The following CAMK2A variants were observed in gnomAD, a reference collection of about 807,000 sequenced individuals.
CAMK2A encodes calcium/calmodulin dependent protein kinase II alpha.
CAMK2A carries 7 observed loss-of-function variants against 79.2 expected under a neutral mutation model. The ratio of observed to expected loss-of-function variants is 0.09; its 90% CI spans 0.05 to 0.17. CAMK2A has a LOEUF of 0.17. CAMK2A is among the 10% of genes least tolerant of loss of function. The pLI is 1.00. For synonymous variants in CAMK2A, 242 were observed against 251.7 expected, an observed-to-expected ratio of 0.96 and a Z score of 0.36; for missense variants, 214 against 646.4, an observed-to-expected ratio of 0.33 and a Z score of 7.25.
chr5:150,275,314 C>T (rs1445789154), intron 1 of CAMK2A, among the ~76,000 whole-genome samples: 1 of 152,156 alleles, frequency 6.6e-6, no homozygotes, highest in African/African-American at 2.4e-5. Context: ...TTCCAGAGCA[C>T]CCCTGCTTAG....
intron 17 of CAMK2A, among the ~76,000 whole-genome samples, chr5:150,224,570 T>A (rs2114014087): frequency 6.6e-6 from 1 of 152,280 alleles, no homozygotes; most frequent in East Asian, 1.9e-4. Context: ...AATAAGGACT[T>A]AAAATCACCA....
At chr5:150,282,185 G>A (rs1245558806) in intron 1 of CAMK2A, among the ~76,000 whole-genome samples, 4 of 152,088 alleles carry the variant, frequency 2.6e-5, no homozygotes, top group African/African-American at 4.8e-5. Flanking sequence ...CTGCAGGGAC[G>A]CAGTGTGCTC....
chr5:150,238,010 C>G (rs938655555), intron 15 of CAMK2A, among the ~76,000 whole-genome samples: 2 of 152,208 alleles, frequency 1.3e-5, no homozygotes, highest in African/African-American at 4.8e-5. Context: ...CCTTCCTTTA[C>G]AGTTATTACT....
At position 150,223,676 on chromosome 5, in the gene CAMK2A, T is replaced by C. The variant is rs376990678; in HGVS notation, c.1238-459A>G. On this transcript the variant is annotated intron_variant, in intron 17 of 18. Transcript: ENST00000671881. The surrounding 1 kb of genome is among the most constrained non-coding windows in gnomAD (Gnocchi z 4.1). Reference sequence around the variant, plus strand: ...AGGCGATAGGGAGTGATGGGGACTGTGGCGAATAGAATGTCTTGTCCCACC... The same window carrying C: ...AGGCGATAGGGAGTGATGGGGACTGCGGCGAATAGAATGTCTTGTCCCACC... 1.3e-3 allele frequency among the ~76,000 whole-genome samples: 203 copies of C among 152,286 alleles called. 7 individuals are homozygous for C. The South Asian group carries it at 0.035, about 26-fold the overall frequency.
At chr5:150,239,680 C>T (rs1367616087) in intron 14 of CAMK2A, 24 bp downstream of exon 14, 6 of 1,612,084 alleles carry the variant, frequency 3.7e-6, no homozygotes, top group Admixed American at 1.7e-5. Context: ...CATTTACCGG[C>T]GTTAGGAGAC....
At chr5:150,247,159 C>T (rs986094234) in intron 12 of CAMK2A, among the ~76,000 whole-genome samples, 6 of 152,366 alleles carry the variant, frequency 3.9e-5, no homozygotes, top group South Asian at 4.1e-4. Context: ...GGGCCTGGGA[C>T]GCTCCTGCCC....
chr5:150,250,623 T>C (rs1406888119), intron 10 of CAMK2A, 65 bp downstream of exon 10: 3 of 1,597,382 alleles, frequency 1.9e-6, no homozygotes, highest in African/African-American at 2.7e-5. Flanking sequence ...GCCAGAACTC[T>C]GTGGGGGCCT....
chr5:150,230,006 C>T (rs1754770008), intron 16 of CAMK2A, among the ~76,000 whole-genome samples: 1 of 152,142 alleles, frequency 6.6e-6, no homozygotes, highest in African/African-American at 2.4e-5. Context: ...CTCCTGAAAA[C>T]TCTCCCACAA....
chr5:150,232,685 C>T (rs1299978370), intron 15 of CAMK2A, among the ~76,000 whole-genome samples: 2 of 152,190 alleles, frequency 1.3e-5, no homozygotes, highest in Non-Finnish European at 2.9e-5. Context: ...TCAGGCCTGG[C>T]CTCAGCATTT....
At chr5:150,269,651 G>A (rs1756654238) in intron 2 of CAMK2A, among the ~76,000 whole-genome samples, 1 of 152,090 alleles carries the variant, frequency 6.6e-6, no homozygotes, top group Admixed American at 6.5e-5. Context: ...ACCAAACCCA[G>A]CCCCATTCTA....
chr5:150,234,090 T>C (rs1360605788), intron 15 of CAMK2A, among the ~76,000 whole-genome samples: 4 of 152,134 alleles, frequency 2.6e-5, no homozygotes, highest in Non-Finnish European at 5.9e-5. Flanking sequence ...GGATTACAGG[T>C]GTGAGCCACT....
At chr5:150,227,317 G>A (rs1263829005) in intron 17 of CAMK2A, among the ~76,000 whole-genome samples, 3 of 152,216 alleles carry the variant, frequency 2.0e-5, no homozygotes, top group African/African-American at 4.8e-5. Context: ...CCCTGATGGA[G>A]CCAGAGTATT....
chr5:150,234,383 C>T (rs1342064273), intron 15 of CAMK2A, among the ~76,000 whole-genome samples: 1 of 152,150 alleles, frequency 6.6e-6, no homozygotes, highest in Non-Finnish European at 1.5e-5. Flanking sequence ...ATGCCACTTA[C>T]TTAATAGCTG....
At chr5:150,235,241 C>T (rs2114033413) in intron 15 of CAMK2A, among the ~76,000 whole-genome samples, 1 of 152,294 alleles carries the variant, frequency 6.6e-6, no homozygotes, top group Middle Eastern at 3.4e-3. Context: ...GCAGGAATCT[C>T]CCTAGCTTTG....
rs1202359304 is a variant in CAMK2A at position 150,219,668 on chromosome 5, C to G, written c.*3042G>C. 1.3e-5 allele frequency: 2 copies of G among 148,682 alleles called. No individual in the cohort carries two copies. Among genetic ancestry groups the G allele is most frequent in the Non-Finnish European group, 3.0e-5 (2 of 67,546 alleles). The allele number at this position is 148,682 out of a possible 1,614,324, so 9.2% of individuals were successfully genotyped here. On this transcript the variant is annotated 3_prime_UTR_variant, in exon 19 of 19. Transcript: ENST00000671881. The stretch of plus-strand genomic sequence containing the variant: ...AAAAAAAAAGAACTAAAACAAAACC[C>G]CAAACAAATAGTAACAAAGAAACCA...
At chr5:150,285,487 C>G (rs1757387268) in intron 1 of CAMK2A, among the ~76,000 whole-genome samples, 1 of 152,196 alleles carries the variant, frequency 6.6e-6, no homozygotes, top group Non-Finnish European at 1.5e-5. Flanking sequence ...TAAGCACATT[C>G]TACAGATGTT....
chr5:150,286,475 G>A (rs544820341), intron 1 of CAMK2A, among the ~76,000 whole-genome samples: 2 of 152,366 alleles, frequency 1.3e-5, no homozygotes, highest in East Asian at 3.9e-4. Context: ...TGGGCAGGAT[G>A]CCAGAAGCCC....
Position 150,289,734 on chromosome 5 carries a change from C to CA in CAMK2A, c.-110dup, listed in dbSNP as rs1022806499. The CA allele has an allele frequency of 6.0e-6, 5 of 828,774 alleles. No individual in the cohort carries two copies. The highest frequency in any genetic ancestry group is 3.4e-5 in the African/African-American group (2 of 59,662). The allele number at this position is 828,774 out of a possible 1,614,324, so 51.3% of individuals were successfully genotyped here. On this transcript the variant is annotated 5_prime_UTR_variant, in exon 1 of 19. Coordinates refer to ENST00000671881, the MANE Select transcript of CAMK2A (RefSeq NM_015981.4). ...ACTTGCCTGCCCGTGCTGCCGAGTG[C>CA]AAACAGAGAACCGGTTTGACTGACG...
At chr5:150,267,021 AG>A (rs1346756431) in intron 2 of CAMK2A, among the ~76,000 whole-genome samples, 1 of 152,222 alleles carries the variant, frequency 6.6e-6, no homozygotes, top group Non-Finnish European at 1.5e-5. Flanking sequence ...CCACCAGCAA[AG>A]CAATTAAGTC....
Sources: gnomAD v4.1 joint callset for allele counts (sites outside exome capture counted in the v4.1 genomes callset) on GRCh38, gnomAD v4.1.1 for gene constraint, Gnocchi (gnomAD v3.1) non-coding constraint, MANE v1.5 for transcripts, NCBI Gene and HGNC (gene_info 2026-07-23, HGNC 2026-07-21) for gene names.